LTBP1: variants seen among roughly 807,000 people sequenced by gnomAD.
The protein encoded by LTBP1 is latent transforming growth factor beta binding protein 1.
LTBP1 carries 129 observed loss-of-function variants against 207.6 expected under a neutral mutation model. That is an observed-to-expected ratio of 0.62 (90% CI 0.54 to 0.72). The LOEUF is 0.72. Ranked by LOEUF, LTBP1 falls within the 30% of genes least tolerant of loss-of-function variation. The pLI is 0.00. For missense variants in LTBP1, 2,281 were observed against 2,217.2 expected, an observed-to-expected ratio of 1.03 and a Z score of -0.58; for synonymous variants, 963 against 833.7, an observed-to-expected ratio of 1.16 and a Z score of -2.67.
intron 7 of LTBP1, among the ~76,000 whole-genome samples, chr2:33,197,845 C>A (rs190063015): frequency 6.6e-6 from 1 of 152,150 alleles, no homozygotes; most frequent in African/African-American, 2.4e-5. Context: ...AACCCAGGAA[C>A]CTGCCTCGTA....
chr2:32,997,128 G>T (rs561604047), intron 2 of LTBP1, among the ~76,000 whole-genome samples: 1 of 151,992 alleles, frequency 6.6e-6, no homozygotes, highest in South Asian at 2.1e-4. Context: ...CAAGCGATCC[G>T]CCCACCTCGG....
At chr2:33,147,172 C>T (rs749033642) in intron 5 of LTBP1, among the ~76,000 whole-genome samples, 7 of 152,166 alleles carry the variant, frequency 4.6e-5, no homozygotes, top group Admixed American at 1.3e-4. Flanking sequence ...AGATGCCCAG[C>T]CTGCACCCCA....
At chr2:33,090,327 G>A (rs1206550628) in intron 3 of LTBP1, among the ~76,000 whole-genome samples, 1 of 152,170 alleles carries the variant, frequency 6.6e-6, no homozygotes, top group African/African-American at 2.4e-5. Context: ...CTCACTTGGT[G>A]GGATCACAGG....
intron 15 of LTBP1, among the ~76,000 whole-genome samples, chr2:33,272,965 G>T (rs1387680945): frequency 6.6e-6 from 1 of 152,228 alleles, no homozygotes; most frequent in East Asian, 1.9e-4. Context: ...GGGCTAATCT[G>T]TACAGGATAT....
intron 5 of LTBP1, among the ~76,000 whole-genome samples, chr2:33,145,668 A>G (rs2082967166): frequency 6.6e-6 from 1 of 152,178 alleles, no homozygotes; most frequent in African/African-American, 2.4e-5. Flanking sequence ...TTGGGTGTAC[A>G]CAGAGGGTAA....
intron 24 of LTBP1, among the ~76,000 whole-genome samples, chr2:33,335,124 A>T (rs1223732204): frequency 6.6e-6 from 1 of 151,870 alleles, no homozygotes; most frequent in African/African-American, 2.4e-5. Context: ...TCTCTAAAAT[A>T]AATAAGTAAG....
chr2:33,388,339 A>G (rs2095285650), intron 31 of LTBP1, among the ~76,000 whole-genome samples: 1 of 152,330 alleles, frequency 6.6e-6, no homozygotes, highest in African/African-American at 2.4e-5. Context: ...AAGGACAGGA[A>G]TTCCAAAGGA....
rs17038528 is a variant in LTBP1, at chr2:33,354,215, C to T, written c.4001-6382C>T. On this transcript the variant is annotated intron_variant, in intron 26 of 33. Transcript: ENST00000404816. ...GAAGCCACATGTGACAATCAGTCAA[C>T]TGTTATATTTGGCAGAGTCTGTTTT... 7.6e-3 allele frequency among the ~76,000 whole-genome samples: 1,150 copies of T among 152,104 alleles called. 16 individuals carry two copies. Among genetic ancestry groups the T allele is most frequent in the African/African-American group, 0.026 (1,078 of 41,486 alleles).
chr2:33,350,419 G>C (rs2094764771), intron 26 of LTBP1, among the ~76,000 whole-genome samples: 1 of 152,164 alleles, frequency 6.6e-6, no homozygotes, highest in Non-Finnish European at 1.5e-5. Flanking sequence ...TCAGCAAAAA[G>C]CTGCCCCAGA....
At chr2:33,176,065 T>G (rs2086014282) in intron 5 of LTBP1, among the ~76,000 whole-genome samples, 1 of 150,450 alleles carries the variant, frequency 6.6e-6, no homozygotes, top group South Asian at 2.1e-4. Context: ...AAATGACGAG[T>G]TAATGGGTGC....
intron 19 of LTBP1, among the ~76,000 whole-genome samples, chr2:33,290,668 AAT>A (rs1558956190): frequency 6.6e-6 from 1 of 152,240 alleles, no homozygotes; most frequent in Non-Finnish European, 1.5e-5. Flanking sequence ...ATGCCTGGGC[AAT>A]AACAATGTGA....
At chr2:33,023,036 T>G (rs1036824989) in intron 3 of LTBP1, among the ~76,000 whole-genome samples, 13 of 152,302 alleles carry the variant, frequency 8.5e-5, no homozygotes, top group Admixed American at 6.5e-4. Context: ...AGTGCTTTTT[T>G]TGTGTGTGCC....
At chr2:33,145,627 G>C (rs1331285015) in intron 5 of LTBP1, among the ~76,000 whole-genome samples, 1 of 152,162 alleles carries the variant, frequency 6.6e-6, no homozygotes, top group African/African-American at 2.4e-5. Flanking sequence ...GGATCTTCTT[G>C]TATTAATAAC....
chr2:33,298,143 T>C (rs905928964), intron 20 of LTBP1, among the ~76,000 whole-genome samples: 2 of 152,230 alleles, frequency 1.3e-5, no homozygotes, highest in Non-Finnish European at 2.9e-5. Context: ...GAAAGCTTTC[T>C]TTTGGCTCAG....
chr2:33,264,036 A>G (rs182281226), intron 15 of LTBP1, among the ~76,000 whole-genome samples: 103 of 151,932 alleles, frequency 6.8e-4, no homozygotes, highest in Admixed American at 3.8e-3. Context: ...TGGGCAGATC[A>G]CTAGGTCAGG....
chr2:32,993,113 G>A (rs570889552), intron 2 of LTBP1, among the ~76,000 whole-genome samples: 2 of 152,250 alleles, frequency 1.3e-5, no homozygotes, highest in African/African-American at 4.8e-5. Context: ...TTAGGAGTGA[G>A]CCAGGGAGGT....
chr2:33,199,792 T>G (rs1035187395), intron 7 of LTBP1, among the ~76,000 whole-genome samples: 2 of 151,880 alleles, frequency 1.3e-5, no homozygotes, highest in African/African-American at 4.8e-5. Flanking sequence ...GGATACAAAA[T>G]CAATGTACAA....
At chr2:32,974,219 G>A (rs1173897732) in intron 2 of LTBP1, among the ~76,000 whole-genome samples, 2 of 152,166 alleles carry the variant, frequency 1.3e-5, no homozygotes, top group East Asian at 1.9e-4. Context: ...TCCATGAACA[G>A]CGTATGAAGG....
At chr2:33,128,735 G>C (rs2081589439) in intron 4 of LTBP1, among the ~76,000 whole-genome samples, 1 of 152,216 alleles carries the variant, frequency 6.6e-6, no homozygotes, top group South Asian at 2.1e-4. Context: ...CAGGATTCTA[G>C]ATTGTGGCTG....
Sources: gnomAD v4.1 joint callset for allele counts (sites outside exome capture counted in the v4.1 genomes callset) on GRCh38, gnomAD v4.1.1 for gene constraint, MANE v1.5 for transcripts, NCBI Gene and HGNC (gene_info 2026-07-23, HGNC 2026-07-21) for gene names.